The following ARMC3 variants were observed in gnomAD, a reference collection of about 807,000 sequenced individuals.
The protein encoded by ARMC3 is armadillo repeat containing 3.
In ARMC3, 74 loss-of-function variants were observed where a neutral mutation model predicts 90.3. That is an observed-to-expected ratio of 0.82 (90% CI 0.68 to 0.99). The LOEUF (loss-of-function observed/expected upper bound fraction) is 0.99. Ranked by LOEUF, ARMC3 falls within the 50% of genes least tolerant of loss-of-function variation. The pLI, the probability that ARMC3 is intolerant of heterozygous loss-of-function variation, is 0.00. For missense variants in ARMC3, 958 were observed against 1,042.8 expected (o/e 0.92, Z 1.12); for synonymous variants, 334 against 361.8 (o/e 0.92, Z 0.87).
chr10:23,008,744 A>G, intron 15 of ARMC3, 71 bp from the exon 16 acceptor site: 1 of 1,272,658 alleles, frequency 7.9e-7, no homozygotes, highest in Non-Finnish European at 1.1e-6. Flanking sequence ...TGTAAGCTCT[A>G]AATGCAAATG....
At chr10:22,984,901 G>A (rs1836347040) in intron 10 of ARMC3, among the ~76,000 whole-genome samples, 1 of 151,428 alleles carries the variant, frequency 6.6e-6, no homozygotes, top group Non-Finnish European at 1.5e-5. Flanking sequence ...TAGACAGGGT[G>A]TCACTTTATT....
chr10:23,027,129 G>T (rs1838742635), intron 16 of ARMC3, among the ~76,000 whole-genome samples: 1 of 152,056 alleles, frequency 6.6e-6, no homozygotes, highest in African/African-American at 2.4e-5. Flanking sequence ...ATAAATTCTA[G>T]AATAAGATTT....
intron 16 of ARMC3, among the ~76,000 whole-genome samples, chr10:23,023,128 T>C (rs369361010): frequency 7.2e-5 from 11 of 152,236 alleles, no homozygotes; most frequent in African/African-American, 2.4e-4. Flanking sequence ...AGCCCCTGCC[T>C]AGGGAAGCCT....
chr10:23,029,113 A>G (rs543939415), intron 16 of ARMC3, among the ~76,000 whole-genome samples: 1 of 152,226 alleles, frequency 6.6e-6, no homozygotes, highest in Non-Finnish European at 1.5e-5. Flanking sequence ...TTATGGGCTT[A>G]GAATGCACAA....
chr10:22,964,980 C>G (rs1156768692), intron 7 of ARMC3, among the ~76,000 whole-genome samples: 1 of 152,054 alleles, frequency 6.6e-6, no homozygotes, highest in Non-Finnish European at 1.5e-5. Flanking sequence ...ATATCTGTGT[C>G]CATTACAAAC....
At chr10:22,954,498 CA>C (rs1164775757) in intron 3 of ARMC3, among the ~76,000 whole-genome samples, 1 of 144,400 alleles carries the variant, frequency 6.9e-6, no homozygotes, top group African/African-American at 2.6e-5. Flanking sequence ...CCCATCTCTA[CA>C]AAAAAATTCG....
At position 22,981,639 on chromosome 10, in the gene ARMC3, G is replaced by A. The variant is rs1211338653; in HGVS notation, c.1114G>A (p.Val372Ile). Residue 372 changes from valine (V) to isoleucine (I), a missense_variant, in exon 10 of 19, where the codon GTA becomes ATA. Physicochemically the swap from Val to Ile is conservative, Grantham distance 29. Transcript: ENST00000298032. Reference protein sequence around the residue: ...IQLLKSDNEEVREAAALALAN... With the variant: ...IQLLKSDNEEIREAAALALAN... ...GTTGCTAAAAAGTGACAATGAAGAG[G>A]TACGGGAAGCAGCAGCTCTAGCCCT... 6.2e-7 allele frequency: 1 copy of A among 1,614,096 alleles called. No individual in the cohort carries two copies. Among genetic ancestry groups the A allele is most frequent in the Non-Finnish European group, 8.5e-7 (1 of 1,179,998 alleles).
At chr10:22,996,903 C>A (rs1807255786) in intron 10 of ARMC3, among the ~76,000 whole-genome samples, 1 of 150,950 alleles carries the variant, frequency 6.6e-6, no homozygotes, top group African/African-American at 2.4e-5. Context: ...GGATGATGGG[C>A]TGAATCATAT....
At chr10:22,970,542 G>A (rs1405727368) in intron 8 of ARMC3, among the ~76,000 whole-genome samples, 1 of 152,320 alleles carries the variant, frequency 6.6e-6, no homozygotes, top group South Asian at 2.1e-4. Flanking sequence ...AAGAGAACTC[G>A]TGTTGCAAAG....
At chr10:22,929,579 G>A (rs904528563) in intron 1 of ARMC3, among the ~76,000 whole-genome samples, 1 of 151,982 alleles carries the variant, frequency 6.6e-6, no homozygotes, top group Non-Finnish European at 1.5e-5. Flanking sequence ...ACAGAGTCTC[G>A]CTCTGTCACC....
At chr10:22,928,344 G>A (rs1833796418) in intron 1 of ARMC3, among the ~76,000 whole-genome samples, 2 of 152,198 alleles carry the variant, frequency 1.3e-5, no homozygotes, top group Admixed American at 1.3e-4. Flanking sequence ...GGGGATCTGA[G>A]GTGAGATCAA....
At chr10:22,986,558 A>AC (rs1283127250) in intron 10 of ARMC3, among the ~76,000 whole-genome samples, 80 of 146,624 alleles carry the variant, frequency 5.5e-4, no homozygotes, top group African/African-American at 1.7e-3. Flanking sequence ...TCTCAAAAAA[A>AC]AAAACAAAAA....
chr10:23,012,422 T>G (rs1254335214), intron 16 of ARMC3, among the ~76,000 whole-genome samples: 4 of 152,150 alleles, frequency 2.6e-5, no homozygotes, highest in African/African-American at 7.2e-5. Context: ...CTACTCTCCA[T>G]AGTTTTAGCT....
intron 18 of ARMC3, among the ~76,000 whole-genome samples, chr10:23,036,841 T>C (rs1253564066): frequency 1.3e-5 from 2 of 152,162 alleles, no homozygotes; most frequent in African/African-American, 4.8e-5. Flanking sequence ...TCCTGCCCCA[T>C]GGCACGCAGA....
intron 18 of ARMC3, 111 bp from the exon 19 acceptor site, chr10:23,037,159 C>A (rs1054641858): frequency 1.5e-5 from 15 of 999,470 alleles, no homozygotes; most frequent in Admixed American, 2.5e-5. Context: ...CTAAACATTT[C>A]TTTGCAAGAC....
rs200666004 is a variant in ARMC3 at position 22,928,737 on chromosome 10, CTAGA to C, written c.-2+635_-2+638del. Among the ~76,000 whole-genome samples the C allele has an allele frequency of 2.3e-3, 348 of 152,286 alleles. 7 individuals carry two copies. The highest frequency in any genetic ancestry group is 0.02 in the Admixed American group (308 of 15,292). On this transcript the variant is annotated intron_variant, in intron 1 of 18. Coordinates refer to ENST00000298032, the MANE Select transcript of ARMC3 (RefSeq NM_173081.5). Reference sequence around the variant, plus strand: ...ACAAATTTCAACAATCAGAGACTGGCTAGATAGCTAAGGGATTTTAAAATATTTG... The same window carrying C: ...ACAAATTTCAACAATCAGAGACTGGCTAGCTAAGGGATTTTAAAATATTTG...
intron 13 of ARMC3, among the ~76,000 whole-genome samples, chr10:23,005,954 G>C (rs914857955): frequency 1.3e-5 from 2 of 152,074 alleles, no homozygotes; most frequent in Non-Finnish European, 2.9e-5. Flanking sequence ...GAAATGCTGG[G>C]GAGCCCTGAG....
intron 13 of ARMC3, among the ~76,000 whole-genome samples, chr10:23,006,388 T>G (rs1588908658): frequency 6.6e-6 from 1 of 152,210 alleles, no homozygotes; most frequent in South Asian, 2.1e-4. Context: ...AAATGTATCT[T>G]GGATGAGAAA....
intron 16 of ARMC3, among the ~76,000 whole-genome samples, chr10:23,021,232 G>A (rs886503888): frequency 2.6e-5 from 4 of 152,228 alleles, no homozygotes; most frequent in Non-Finnish European, 1.5e-5. Context: ...CATCTAGGTA[G>A]ATGCCGTGTA....
Sources: gnomAD v4.1 joint callset for allele counts (sites outside exome capture counted in the v4.1 genomes callset) on GRCh38, gnomAD v4.1.1 for gene constraint, MANE v1.5 for transcripts, NCBI Gene and HGNC (gene_info 2026-07-23, HGNC 2026-07-21) for gene names.